Variants in PPP2R3A observed in about 807,000 individuals in gnomAD.
The protein encoded by PPP2R3A is protein phosphatase 2 regulatory subunit B''alpha.
Under a neutral mutation model 106.9 loss-of-function variants are expected in PPP2R3A, and 80 were observed. That is an observed-to-expected ratio of 0.75 (90% confidence interval 0.62 to 0.90). The LOEUF (loss-of-function observed/expected upper bound fraction) is 0.90, where lower values mean the gene tolerates loss of function less well. Ranked by LOEUF, PPP2R3A falls within the 40% of genes least tolerant of loss-of-function variation. The pLI is 0.00. For missense variants in PPP2R3A, 1,386 were observed against 1,350.4 expected (o/e 1.03, Z -0.41); for synonymous variants, 483 against 468.3 (o/e 1.03, Z -0.41).
rs1418198400 is a variant in PPP2R3A at position 136,078,452 on chromosome 3, A to G, written c.2630A>G (p.Gln877Arg). 2 of 1,571,550 alleles carry G rather than the reference A, an allele frequency of 1.3e-6. No homozygotes were observed. Among genetic ancestry groups the G allele is most frequent in the East Asian group, 2.2e-5 (1 of 44,586 alleles). ...STEIRKSNFL[Q>R]TLALLEEEED... ...GAGATAAGAAAAAGCAACTTTTTGC[A>G]AGTATGCCTTTCATTAGAATTCATG... The change falls in exon 7 of 14, where the codon CAA becomes CGA. Residue 877 changes from glutamine to arginine, a missense_variant and splice_region_variant. Physicochemically the swap from Gln to Arg is conservative, Grantham distance 43. Transcript: ENST00000264977.
intron 3 of PPP2R3A, among the ~76,000 whole-genome samples, chr3:136,034,276 C>T (rs1211609582): frequency 6.6e-6 from 1 of 152,096 alleles, no homozygotes. Flanking sequence ...ACCTCATGAA[C>T]CACCGACCTC....
intron 13 of PPP2R3A, among the ~76,000 whole-genome samples, chr3:136,141,900 G>A (rs1160649459): frequency 6.6e-6 from 1 of 152,148 alleles, no homozygotes; most frequent in Non-Finnish European, 1.5e-5. Flanking sequence ...GAGGAACTTG[G>A]GATAACCGAG....
intron 1 of PPP2R3A, among the ~76,000 whole-genome samples, chr3:135,973,002 A>G (rs1186069125): frequency 2.6e-5 from 4 of 152,152 alleles, no homozygotes; most frequent in South Asian, 4.1e-4. Context: ...ATATCTGACA[A>G]TCTATCACCA....
At chr3:136,049,452 T>C in intron 5 of PPP2R3A, 91 bp downstream of exon 5, 1 of 853,612 alleles carries the variant, frequency 1.2e-6, no homozygotes, top group East Asian at 2.5e-5. Flanking sequence ...TCAATTGAGC[T>C]ACACAGATCT....
At chr3:136,125,883 A>T (rs1938161469) in intron 13 of PPP2R3A, among the ~76,000 whole-genome samples, 2 of 152,350 alleles carry the variant, frequency 1.3e-5, no homozygotes, top group South Asian at 4.1e-4. Flanking sequence ...GACAAAAAGC[A>T]CATTATCATT....
chr3:136,085,313 T>C (rs1936897838), intron 8 of PPP2R3A, among the ~76,000 whole-genome samples: 1 of 152,158 alleles, frequency 6.6e-6, no homozygotes. Flanking sequence ...CCTGCTGCCA[T>C]GTAAGATGTG....
At chr3:136,107,211 G>A (rs893613671) in intron 13 of PPP2R3A, among the ~76,000 whole-genome samples, 1 of 151,726 alleles carries the variant, frequency 6.6e-6, no homozygotes, top group Non-Finnish European at 1.5e-5. Context: ...CTTAGTCATA[G>A]CTTCTGTAAA....
chr3:136,070,607 C>A, intron 6 of PPP2R3A, 55 bp downstream of exon 6: 1 of 1,412,116 alleles, frequency 7.1e-7, no homozygotes, highest in Non-Finnish European at 9.7e-7. Context: ...CTTTTTATTA[C>A]CATCTGCTAT....
At chr3:136,117,491 T>C (rs916375835) in intron 13 of PPP2R3A, among the ~76,000 whole-genome samples, 1 of 151,216 alleles carries the variant, frequency 6.6e-6, no homozygotes, top group Admixed American at 6.6e-5. Context: ...GCCAGACTAA[T>C]AAAGAAGAAA....
intron 2 of PPP2R3A, among the ~76,000 whole-genome samples, chr3:136,005,879 A>G (rs1933825876): frequency 6.6e-6 from 1 of 152,186 alleles, no homozygotes; most frequent in Non-Finnish European, 1.5e-5. Context: ...CAATATCTTA[A>G]AACCATTATA....
intron 9 of PPP2R3A, 46 bp downstream of exon 9, chr3:136,087,977 T>C (rs1936998954): frequency 6.8e-7 from 1 of 1,478,424 alleles, no homozygotes; most frequent in African/African-American, 1.4e-5. Context: ...CTACAAGTAA[T>C]ACCATAACCA....
chr3:135,979,573 G>A (rs138349836), intron 1 of PPP2R3A, among the ~76,000 whole-genome samples: 50 of 151,868 alleles, frequency 3.3e-4, no homozygotes, highest in East Asian at 7.7e-4. Flanking sequence ...AGTACACAGC[G>A]TTGCTGCTCA....
At chr3:136,031,479 T>A (rs1042360682) in intron 3 of PPP2R3A, among the ~76,000 whole-genome samples, 1 of 152,232 alleles carries the variant, frequency 6.6e-6, no homozygotes, top group Non-Finnish European at 1.5e-5. Flanking sequence ...TGACTGTTCC[T>A]TTCACCATGC....
At chr3:136,120,961 GA>G (rs925116646) in intron 13 of PPP2R3A, among the ~76,000 whole-genome samples, 5 of 152,260 alleles carry the variant, frequency 3.3e-5, no homozygotes, top group Non-Finnish European at 7.4e-5. Flanking sequence ...AGAGAAAAGG[GA>G]ATGCACATAC....
At chr3:136,043,022 T>C (rs184640049) in intron 4 of PPP2R3A, among the ~76,000 whole-genome samples, 302 of 151,986 alleles carry the variant, frequency 2.0e-3, no homozygotes, top group African/African-American at 6.4e-3. Flanking sequence ...AAGTATAGTA[T>C]ATTAAAACTT....
At chr3:136,029,680 G>A (rs1242697999) in intron 3 of PPP2R3A, among the ~76,000 whole-genome samples, 1 of 152,196 alleles carries the variant, frequency 6.6e-6, no homozygotes, top group East Asian at 1.9e-4. Flanking sequence ...TTTAGCCATA[G>A]GGACAGTCAT....
intron 13 of PPP2R3A, among the ~76,000 whole-genome samples, chr3:136,123,633 A>G (rs1463367466): frequency 6.6e-6 from 1 of 152,226 alleles, no homozygotes; most frequent in African/African-American, 2.4e-5. Flanking sequence ...TTCAAAAGAC[A>G]GACATTTTAC....
chr3:135,974,103 C>T lies in PPP2R3A; in HGVS notation c.-441+8254C>T, dbSNP rs577643876. 3.3e-5 allele frequency among the ~76,000 whole-genome samples: 5 copies of T among 152,332 alleles called. No homozygotes were observed. The South Asian group carries it at 6.2e-4, about 19-fold the overall frequency. On this transcript the variant is annotated intron_variant, in intron 1 of 13. Transcript: ENST00000264977. ...GTTGATTATTCCTCTTTCTTTGAAA[C>T]GCGTCCTTCATTTAGCTTTGCTGCA...
intron 1 of PPP2R3A, among the ~76,000 whole-genome samples, chr3:135,981,663 G>A (rs1422578799): frequency 1.3e-5 from 2 of 151,822 alleles, no homozygotes; most frequent in Non-Finnish European, 2.9e-5. Context: ...CCTTTGGAGT[G>A]TACATTCTAT....
Sources: gnomAD v4.1 joint callset for allele counts (sites outside exome capture counted in the v4.1 genomes callset) on GRCh38, gnomAD v4.1.1 for gene constraint, MANE v1.5 for transcripts, NCBI Gene and HGNC (gene_info 2026-07-23, HGNC 2026-07-21) for gene names.